Variants in SVIL observed in about 807,000 individuals in gnomAD.
SVIL encodes archvillin.
Under a neutral mutation model 240.4 loss-of-function variants are expected in SVIL, and 101 were observed. That is an observed-to-expected ratio of 0.42 (90% CI 0.36 to 0.50). The LOEUF is 0.50. SVIL is among the 20% of genes least tolerant of loss of function. SVIL has a pLI of 0.01. For synonymous variants in SVIL, 999 were observed against 1,100.0 expected (o/e 0.91, Z 1.82); for missense variants, 2,512 against 2,818.7 (o/e 0.89, Z 2.46).
At chr10:29,695,084 A>G (rs1961823272) in intron 1 of SVIL, among the ~76,000 whole-genome samples, 1 of 152,200 alleles carries the variant, frequency 6.6e-6, no homozygotes, top group African/African-American at 2.4e-5. Context: ...CTTGAGGTCA[A>G]GAGAGACCTC....
chr10:29,540,775 C>T (rs555187135), intron 6 of SVIL, among the ~76,000 whole-genome samples: 25 of 152,286 alleles, frequency 1.6e-4, no homozygotes, highest in African/African-American at 5.3e-4. Context: ...CCGTTTCCAC[C>T]GTCAGAAGAG....
chr10:29,646,952 G>A (rs529164853), intron 3 of SVIL, among the ~76,000 whole-genome samples: 105 of 152,272 alleles, frequency 6.9e-4, no homozygotes, highest in Middle Eastern at 3.4e-3. Flanking sequence ...AAACTCATCC[G>A]TTCCACCTTC....
intron 1 of SVIL, among the ~76,000 whole-genome samples, chr10:29,704,171 C>T (rs1962727616): frequency 1.3e-5 from 2 of 152,228 alleles, no homozygotes; most frequent in South Asian, 2.1e-4. Context: ...GTGGGCTGGG[C>T]GCCTCAGCCT....
chr10:29,629,862 C>G (rs2132945503), intron 1 of SVIL, among the ~76,000 whole-genome samples: 1 of 148,142 alleles, frequency 6.8e-6, no homozygotes, highest in Non-Finnish European at 1.5e-5. Context: ...TGCCTATAGT[C>G]CCAGCTACTC....
At chr10:29,492,127 T>C (rs955854517) in intron 21 of SVIL, among the ~76,000 whole-genome samples, 2 of 152,112 alleles carry the variant, frequency 1.3e-5, no homozygotes, top group South Asian at 2.1e-4. Flanking sequence ...GATTTTCCTT[T>C]GGGGAAACCA....
intron 1 of SVIL, among the ~76,000 whole-genome samples, chr10:29,704,111 G>A (rs1200269619): frequency 6.6e-6 from 1 of 152,118 alleles, no homozygotes; most frequent in Non-Finnish European, 1.5e-5. Flanking sequence ...CCTCAGGTGG[G>A]TTCTTGAACT....
At chr10:29,619,435 T>A (rs990539445) in intron 1 of SVIL, among the ~76,000 whole-genome samples, 1 of 152,156 alleles carries the variant, frequency 6.6e-6, no homozygotes, top group Non-Finnish European at 1.5e-5. Flanking sequence ...GTCAAGAGTG[T>A]TTACTCTTCA....
chr10:29,529,288 A>G (rs1951181801), intron 12 of SVIL, among the ~76,000 whole-genome samples: 1 of 152,042 alleles, frequency 6.6e-6, no homozygotes, highest in Admixed American at 6.6e-5. Flanking sequence ...TTATGGATGA[A>G]ATGGTAAGAC....
At chr10:29,480,308 T>C (rs1946686091) in intron 29 of SVIL, among the ~76,000 whole-genome samples, 1 of 152,192 alleles carries the variant, frequency 6.6e-6, no homozygotes, top group Admixed American at 6.5e-5. Flanking sequence ...GCAAGTTCAA[T>C]TTCTACAGGT....
Position 29,735,295 on chromosome 10 carries a change from T to A in SVIL, c.-400+456A>T, listed in dbSNP as rs1964835847. Among the ~76,000 whole-genome samples the A allele has an allele frequency of 6.6e-6, 1 of 151,476 alleles. No homozygotes were observed. The highest frequency in any genetic ancestry group is 1.5e-5 in the Non-Finnish European group (1 of 67,844). On this transcript the variant is annotated intron_variant, in intron 1 of 35. Coordinates refer to the SVIL transcript ENST00000375400. This position sits in a 1 kb window ranked among gnomAD's most constrained non-coding sequence, Gnocchi z 4.1. Reference sequence around the variant, plus strand: ...CACCGCAGCTCCGGCCACTTGCGGCTGGTGTCGGGAAAGGAACCGGGCGAT... The same window carrying A: ...CACCGCAGCTCCGGCCACTTGCGGCAGGTGTCGGGAAAGGAACCGGGCGAT...
At chr10:29,592,941 GA>G (rs1181981716) in intron 1 of SVIL, among the ~76,000 whole-genome samples, 2 of 151,984 alleles carry the variant, frequency 1.3e-5, no homozygotes, top group East Asian at 1.9e-4. Flanking sequence ...AAATTTAAAG[GA>G]AAAAAAGTCT....
chr10:29,468,556 C>T (rs2132299021), intron 32 of SVIL, among the ~76,000 whole-genome samples: 1 of 151,640 alleles, frequency 6.6e-6, no homozygotes, highest in South Asian at 2.1e-4. Flanking sequence ...TTTTCACATC[C>T]TTGCCAATAC....
At chr10:29,468,910 C>T (rs1248019352) in intron 32 of SVIL, 2 of 152,102 alleles carry the variant, frequency 1.3e-5, no homozygotes, top group African/African-American at 4.8e-5. Flanking sequence ...TTGTCTTTCT[C>T]TCCTGCTAGA....
chr10:29,657,331 A>G (rs938460037), intron 3 of SVIL, among the ~76,000 whole-genome samples: 4 of 152,068 alleles, frequency 2.6e-5, no homozygotes, highest in East Asian at 1.9e-4. Context: ...GTTCCATGGA[A>G]CTCTGGTGAG....
At position 29,607,499 on chromosome 10, in the gene SVIL, AT is replaced by A. The variant is rs35528263; in HGVS notation, c.-201+26920del. 2.0e-3 allele frequency among the ~76,000 whole-genome samples: 304 copies of A among 150,626 alleles called. 1 individual carries two copies. The highest frequency in any genetic ancestry group is 7.1e-3 in the African/African-American group (290 of 40,976). ...TCAAACTTCCCTAATTTAGAACATGATTTTTTTTTTCAAATTCTTTTTTGTA... is the reference window on the plus strand; with the variant it reads ...TCAAACTTCCCTAATTTAGAACATGATTTTTTTTTCAAATTCTTTTTTGTA... On this transcript the variant is annotated intron_variant, in intron 1 of 37. Transcript: ENST00000355867.
At chr10:29,476,253 T>C (rs760861537) in intron 29 of SVIL, among the ~76,000 whole-genome samples, 1 of 152,262 alleles carries the variant, frequency 6.6e-6, no homozygotes, top group Non-Finnish European at 1.5e-5. Context: ...AGGAAAGATA[T>C]GTTTCAAATA....
intron 1 of SVIL, among the ~76,000 whole-genome samples, chr10:29,578,032 A>T (rs1472633767): frequency 6.6e-6 from 1 of 152,224 alleles, no homozygotes; most frequent in Non-Finnish European, 1.5e-5. Context: ...TAAATGTATA[A>T]AATGGGAATT....
intron 1 of SVIL, among the ~76,000 whole-genome samples, chr10:29,732,870 T>C (rs1452888304): frequency 6.6e-6 from 1 of 152,098 alleles, no homozygotes; most frequent in African/African-American, 2.4e-5. Flanking sequence ...TTTTTTTTTT[T>C]TAATTCCTAC....
At chr10:29,670,129 T>C (rs920063617) in intron 2 of SVIL, among the ~76,000 whole-genome samples, 1 of 151,540 alleles carries the variant, frequency 6.6e-6, no homozygotes, top group African/African-American at 2.4e-5. Context: ...AAAAAAAAGA[T>C]AAAGAAAAGG....
Sources: gnomAD v4.1 joint callset for allele counts (sites outside exome capture counted in the v4.1 genomes callset) on GRCh38, gnomAD v4.1.1 for gene constraint, Gnocchi (gnomAD v3.1) non-coding constraint, MANE v1.5 for transcripts, NCBI Gene and HGNC (gene_info 2026-07-23, HGNC 2026-07-21) for gene names.